NLRP8: variants seen among roughly 807,000 people sequenced by gnomAD.
NLRP8 encodes the protein NACHT, LRR and PYD domains-containing protein 8.
Under a neutral mutation model 88.7 loss-of-function variants are expected in NLRP8, and 86 were observed. That is an observed-to-expected ratio of 0.97 (90% CI 0.81 to 1.16). The LOEUF (loss-of-function observed/expected upper bound fraction) is 1.16. Among genes scored for constraint, NLRP8 ranks in the 50% most tolerant of loss-of-function variants. The probability of loss-of-function intolerance (pLI) is 0.00; values close to 1 mark genes in which losing one functional copy is unlikely to be tolerated. For missense variants in NLRP8, 1,342 were observed against 1,286.5 expected (o/e 1.04, Z -0.66); for synonymous variants, 504 against 494.6 (o/e 1.02, Z -0.25).
chr19:55,964,157 A>T (rs943070293), intron 4 of NLRP8, among the ~76,000 whole-genome samples: 20 of 152,194 alleles, frequency 1.3e-4, no homozygotes, highest in Non-Finnish European at 2.2e-4. Flanking sequence ...CAGGCATCAC[A>T]TGGCCCCTGG....
chr19:55,973,637 G>A lies in NLRP8; in HGVS notation c.2535-15G>A, dbSNP rs1980174504. On this transcript the variant is annotated splice_polypyrimidine_tract_variant and intron_variant, in intron 6 of 9. Transcript: ENST00000291971. ...CCCCTCTCCATTCAGTCATCTGTGT[G>A]CTTCTCTCCCATAGGATAGAGAACT... 6.3e-7 allele frequency: 1 copy of A among 1,584,308 alleles called. No homozygotes were observed. The highest frequency in any genetic ancestry group is 8.6e-7 in the Non-Finnish European group (1 of 1,160,272).
chr19:55,961,226 A>T (rs1979595410), intron 3 of NLRP8, among the ~76,000 whole-genome samples: 1 of 151,912 alleles, frequency 6.6e-6, no homozygotes, highest in South Asian at 2.1e-4. Flanking sequence ...CTTTAATGCA[A>T]CCAACAGCAA....
intron 9 of NLRP8, among the ~76,000 whole-genome samples, chr19:55,981,363 G>C (rs764051692): frequency 5.3e-5 from 8 of 152,146 alleles, no homozygotes; most frequent in Non-Finnish European, 1.2e-4. Flanking sequence ...ATGTTATGGA[G>C]TGTCATGTGT....
intron 3 of NLRP8, among the ~76,000 whole-genome samples, chr19:55,959,772 G>A (rs1979532007): frequency 6.6e-6 from 1 of 152,180 alleles, no homozygotes; most frequent in Non-Finnish European, 1.5e-5. Flanking sequence ...GTTTTCCAGA[G>A]CTTATATGCC....
intron 1 of NLRP8, among the ~76,000 whole-genome samples, chr19:55,949,259 T>TG (rs1313470162): frequency 1.3e-5 from 2 of 152,156 alleles, no homozygotes; most frequent in African/African-American, 4.8e-5. Context: ...TATTTTGAGA[T>TG]GGAGTCTTCA....
At chr19:55,986,450 T>A (rs62130172) in intron 9 of NLRP8, among the ~76,000 whole-genome samples, 2 of 52,912 alleles carry the variant, frequency 3.8e-5, no homozygotes, top group Admixed American at 2.3e-4. Flanking sequence ...GCACTCTCTC[T>A]CTCACACACA....
rs778337116 is a variant in NLRP8 at position 55,970,669 on chromosome 19, T to C, written c.2507T>C (p.Leu836Pro). ...CTGGAGAACTGTGGGGCGTATTACCTGTCTGTGGCCCAGCTGGAGAGGCTG... is the reference window on the plus strand; with the variant it reads ...CTGGAGAACTGTGGGGCGTATTACCCGTCTGTGGCCCAGCTGGAGAGGCTG... The change falls in exon 6 of 10, where the codon CTG becomes CCG. Residue 836 changes from leucine (L) to proline (P), a missense_variant. Transcript: ENST00000291971. The C allele has an allele frequency of 3.7e-6, 6 of 1,614,158 alleles. No individual in the cohort carries two copies. Among genetic ancestry groups the C allele is most frequent in the Admixed American group, 3.3e-5 (2 of 60,016 alleles).
chr19:55,964,484 G>A (rs2123204198), intron 4 of NLRP8, among the ~76,000 whole-genome samples: 1 of 152,346 alleles, frequency 6.6e-6, no homozygotes, highest in East Asian at 1.9e-4. Context: ...GGGCGTGGTG[G>A]CTCACGCCGG....
Position 55,976,213 on chromosome 19 carries a change from T to C in NLRP8, c.2786T>C (p.Leu929Pro). ...TGTAAAAATAAAACCCTGAAAAGTC[T>C]TGACCTAAGTTTTAATAGCCTGAAG... Residue 929 changes from leucine to proline, a missense_variant, in exon 8 of 10, where the codon CTT becomes CCT. Leu to Pro is a moderately conservative substitution (Grantham distance 98, BLOSUM62 -3). Coordinates refer to ENST00000291971, the MANE Select transcript of NLRP8 (RefSeq NM_176811.2). 1 of 1,613,910 alleles carries C rather than the reference T, an allele frequency of 6.2e-7. No homozygotes were observed. The highest frequency in any genetic ancestry group is 1.1e-5 in the South Asian group (1 of 91,044).
chr19:55,987,044 C>A (rs2060541), intron 9 of NLRP8, among the ~76,000 whole-genome samples: 6,454 of 152,290 alleles, frequency 0.042, 169 homozygotes, highest in South Asian at 0.1. Context: ...TTAGGTAAGT[C>A]TCTCGTCCTT....
At chr19:55,969,920 C>T (rs1980000498) in intron 5 of NLRP8, among the ~76,000 whole-genome samples, 1 of 152,136 alleles carries the variant, frequency 6.6e-6, no homozygotes, top group South Asian at 2.1e-4. Flanking sequence ...GAAATCCAGC[C>T]CGAGAAGACA....
chr19:55,973,823 G>A lies in NLRP8; in HGVS notation c.2705+1G>A, dbSNP rs745701025. ...TGAGATGTCCTCTGCAGAGGCTGGT[G>A]TAAGTCCCAGAATGTTTTCTTCTCT... On this transcript the variant is annotated splice_donor_variant, in intron 7 of 9. Transcript: ENST00000291971. LOFTEE classifies it high-confidence loss of function. 3.7e-5 allele frequency: 59 copies of A among 1,607,372 alleles called. No individual in the cohort carries two copies. The South Asian group carries it at 6.1e-4, about 17-fold the overall frequency.
Position 55,987,907 on chromosome 19 carries a change from T to A in NLRP8, c.3141T>A (p.Asn1047Lys). ...AAAGTGACTGCCTATCCCAGATTAATCCTTAGGCCGTCCAGTCATCTTTCT... is the reference window on the plus strand; with the variant it reads ...AAAGTGACTGCCTATCCCAGATTAAACCTTAGGCCGTCCAGTCATCTTTCT... The change falls in exon 10 of 10, where the codon AAT becomes AAA. Residue 1047 changes from asparagine to lysine, a missense_variant. By Grantham distance (94) the Asn-to-Lys change is moderately conservative. Transcript: ENST00000291971. The A allele has an allele frequency of 6.2e-7, 1 of 1,611,818 alleles. No homozygotes were observed. The highest frequency in any genetic ancestry group is 8.5e-7 in the Non-Finnish European group (1 of 1,177,988).
chr19:55,959,281 G>T lies in NLRP8; in HGVS notation c.2043-2786G>T, dbSNP rs575857565. ...GGCTGGAGTGCAGTTGCGTGATCTCGGCTCACTGCAAGCTCCGCCTCCCTG... is the reference window on the plus strand; with the variant it reads ...GGCTGGAGTGCAGTTGCGTGATCTCTGCTCACTGCAAGCTCCGCCTCCCTG... On this transcript the variant is annotated intron_variant, in intron 3 of 9. Coordinates refer to ENST00000291971, the MANE Select transcript of NLRP8 (RefSeq NM_176811.2). Among the ~76,000 whole-genome samples, 16 of 150,266 alleles carry T rather than the reference G, an allele frequency of 1.1e-4. No individual in the cohort carries two copies. In the East Asian group the frequency reaches 2.0e-3, roughly 19 times the overall value.
intron 1 of NLRP8, among the ~76,000 whole-genome samples, chr19:55,948,698 A>G (rs1978963456): frequency 6.6e-6 from 1 of 152,178 alleles, no homozygotes; most frequent in South Asian, 2.1e-4. Flanking sequence ...TTGGCCCCCC[A>G]AAGTGCTGGG....
chr19:55,980,943 G>A (rs935849993), intron 9 of NLRP8, among the ~76,000 whole-genome samples, 116 bp from the exon 10 acceptor site: 2 of 152,122 alleles, frequency 1.3e-5, no homozygotes, highest in Non-Finnish European at 2.9e-5. Context: ...ACTGCATGGG[G>A]CCATGGTGGT....
intron 9 of NLRP8, among the ~76,000 whole-genome samples, chr19:55,987,295 A>G (rs1980893726): frequency 6.6e-6 from 1 of 152,226 alleles, no homozygotes; most frequent in African/African-American, 2.4e-5. Flanking sequence ...GCTTTAACCC[A>G]GGAGGCAGAG....
intron 5 of NLRP8, 71 bp downstream of exon 5, chr19:55,966,451 A>T: frequency 7.1e-7 from 1 of 1,413,798 alleles, no homozygotes. Context: ...CGGTGATGAG[A>T]GGCTCAGTTT....
At chr19:55,983,956 T>C (rs752876824) in intron 9 of NLRP8, among the ~76,000 whole-genome samples, 133 of 152,270 alleles carry the variant, frequency 8.7e-4, no homozygotes, top group Non-Finnish European at 1.7e-3. Flanking sequence ...CTAACATGCT[T>C]ATTGTTAATT....
Sources: allele counts gnomAD v4.1 joint callset (sites outside exome capture counted in the v4.1 genomes callset), GRCh38; gene constraint gnomAD v4.1.1; transcripts MANE v1.5; gene names NCBI Gene and HGNC (gene_info 2026-07-23, HGNC 2026-07-21).